MGAT4C: variants seen among roughly 807,000 people sequenced by gnomAD.
MGAT4C encodes alpha-1,3-mannosyl-glycoprotein 4-beta-N-acetylglucosaminyltransferase C.
In MGAT4C, 19 loss-of-function variants were observed where a neutral mutation model predicts 40.1. That is an observed-to-expected ratio of 0.47 (90% CI 0.33 to 0.70). MGAT4C has a LOEUF of 0.70. Ranked by LOEUF, MGAT4C falls within the 30% of genes least tolerant of loss-of-function variation. The probability of loss-of-function intolerance (pLI) is 0.02; values close to 1 mark genes in which losing one functional copy is unlikely to be tolerated. For missense variants in MGAT4C, 491 were observed against 563.2 expected (o/e 0.87, Z 1.30); for synonymous variants, 181 against 187.1 (o/e 0.97, Z 0.27).
chr12:86,531,837 CAATTTTA>C (rs563183611), intron 2 of MGAT4C, among the ~76,000 whole-genome samples: 50 of 151,672 alleles, frequency 3.3e-4, no homozygotes, highest in Admixed American at 3.0e-3. Flanking sequence ...GTTTTGGTAA[CAATTTTA>C]ACTTTAAAAT....
rs118162615 is a variant in MGAT4C, at chr12:86,815,292, C to T, written c.-262+23374G>A. ...AGGGAAATGCAAATCAAAACCACAA[C>T]GCAATACCGCCTTGCTCCTGTAAGA... On this transcript the variant is annotated intron_variant, in intron 1 of 7. Transcript: ENST00000548651. 5.6e-3 allele frequency among the ~76,000 whole-genome samples: 858 copies of T among 151,914 alleles called. 3 individuals are homozygous for T. Among genetic ancestry groups the T allele is most frequent in the Non-Finnish European group, 9.1e-3 (615 of 67,910 alleles).
chr12:86,353,803 CT>C (rs1342349833), intron 3 of MGAT4C, among the ~76,000 whole-genome samples: 1 of 152,168 alleles, frequency 6.6e-6, no homozygotes, highest in Non-Finnish European at 1.5e-5. Context: ...CTCTGCCTCT[CT>C]CTCTCTCTTT....
intron 1 of MGAT4C, among the ~76,000 whole-genome samples, chr12:86,205,736 A>G (rs1950224680): frequency 6.6e-6 from 1 of 152,020 alleles, no homozygotes; most frequent in South Asian, 2.1e-4. Flanking sequence ...TATTAAGTAC[A>G]TTTTCTTTCT....
chr12:86,789,006 G>C (rs1231563088), intron 1 of MGAT4C, among the ~76,000 whole-genome samples: 1 of 152,076 alleles, frequency 6.6e-6, no homozygotes, highest in East Asian at 1.9e-4. Flanking sequence ...TAGCTCACAA[G>C]AAGTGTATTC....
chr12:86,509,471 G>T (rs1958533804), intron 2 of MGAT4C, among the ~76,000 whole-genome samples: 1 of 152,148 alleles, frequency 6.6e-6, no homozygotes, highest in Non-Finnish European at 1.5e-5. Flanking sequence ...TAACCTTGTA[G>T]TATAGTTTGA....
rs1028793242 is a variant in MGAT4C at position 86,255,233 on chromosome 12, A to T, written c.-57+1006T>A. Among the ~76,000 whole-genome samples, 15 of 152,172 alleles carry T rather than the reference A, an allele frequency of 9.9e-5. 1 individual carries two copies. The highest frequency in any genetic ancestry group is 3.6e-4 in the African/African-American group (15 of 41,458). On this transcript the variant is annotated intron_variant, in intron 1 of 4. Transcript: ENST00000611864. Reference sequence around the variant, plus strand: ...TTACACTTTTCTGTGGCTTTATTTCATAAATAACTGCATCCAACTTTAAAA... The same window carrying T: ...TTACACTTTTCTGTGGCTTTATTTCTTAAATAACTGCATCCAACTTTAAAA...
At position 86,340,718 on chromosome 12, in the gene MGAT4C, A is replaced by G. The variant is rs73185452; in HGVS notation, c.-119-6591T>C. 4.2e-3 allele frequency among the ~76,000 whole-genome samples: 639 copies of G among 152,208 alleles called. 1 individual carries two copies. Among genetic ancestry groups the G allele is most frequent in the Non-Finnish European group, 7.0e-3 (477 of 68,018 alleles). On this transcript the variant is annotated intron_variant, in intron 3 of 7. Transcript: ENST00000548651. ...ACTCTTTGGAAATAACACAGGTTAT[A>G]AAGATACTGTGGCTTGGAACTAGAA... is the stretch of plus-strand genomic sequence containing the variant.
chr12:86,110,254 AAT>A (rs1212010485), intron 1 of MGAT4C, among the ~76,000 whole-genome samples: 1 of 8,838 alleles, frequency 1.1e-4, no homozygotes, highest in Non-Finnish European at 2.1e-4. Flanking sequence ...ACAATAAATG[AAT>A]ATATATATAG....
intron 2 of MGAT4C, among the ~76,000 whole-genome samples, chr12:86,560,881 T>C (rs770826142): frequency 2.6e-5 from 4 of 152,114 alleles, no homozygotes; most frequent in South Asian, 2.1e-4. Flanking sequence ...CAAAATCTTA[T>C]ATAAAGATAA....
At chr12:86,081,924 T>C (rs1870914123) in intron 1 of MGAT4C, among the ~76,000 whole-genome samples, 1 of 152,152 alleles carries the variant, frequency 6.6e-6, no homozygotes, top group African/African-American at 2.4e-5. Flanking sequence ...ATTAAAAACA[T>C]CTACATTATA....
In MGAT4C at chr12:85,965,328, T is replaced by G. The variant is rs1883302019; in HGVS notation, c.*13961A>C. The G allele has an allele frequency of 6.6e-6, 1 of 151,900 alleles. No homozygotes were observed. Among genetic ancestry groups the G allele is most frequent in the African/African-American group, 2.4e-5 (1 of 41,370 alleles). The allele number at this position is 151,900 out of a possible 1,614,324, so 9.4% of individuals were successfully genotyped here. Reference sequence around the variant, plus strand: ...TAAGGACACTCTGGGCCCGGCGCGGTGGCTCACGCATGTAATCCCAGCACT... The same window carrying G: ...TAAGGACACTCTGGGCCCGGCGCGGGGGCTCACGCATGTAATCCCAGCACT... On this transcript the variant is annotated 3_prime_UTR_variant, in exon 5 of 5. Coordinates refer to ENST00000611864, the MANE Select transcript of MGAT4C (RefSeq NM_001351288.2).
intron 4 of MGAT4C, among the ~76,000 whole-genome samples, chr12:86,301,370 C>T (rs571476717): frequency 2.6e-5 from 4 of 152,240 alleles, no homozygotes; most frequent in South Asian, 2.1e-4. Context: ...GTTTACATTA[C>T]CAATTTGCTT....
At chr12:86,476,481 AAT>A (rs1957837341) in intron 2 of MGAT4C, among the ~76,000 whole-genome samples, 1 of 152,116 alleles carries the variant, frequency 6.6e-6, no homozygotes, top group African/African-American at 2.4e-5. Context: ...TGTTGTTGGG[AAT>A]ATAAATTAGT....
Position 86,611,056 on chromosome 12 carries a change from C to T in MGAT4C, c.-229+116153G>A, listed in dbSNP as rs148660082. On this transcript the variant is annotated intron_variant, in intron 2 of 7. Coordinates refer to the MGAT4C transcript ENST00000548651. ...GAGACAACCAGAAGGTGTATAGTCT[C>T]GGTGTGAACATAGATCCTGAATGTA... Among the ~76,000 whole-genome samples the T allele has an allele frequency of 3.7e-3, 553 of 151,344 alleles. 2 individuals are homozygous for T. Among genetic ancestry groups the T allele is most frequent in the African/African-American group, 0.012 (495 of 41,198 alleles).
Position 85,963,301 on chromosome 12 carries a change from T to C in MGAT4C, c.*15988A>G, listed in dbSNP as rs1313313536. 6.6e-6 allele frequency: 1 copy of C among 151,990 alleles called. No individual in the cohort carries two copies. The highest frequency in any genetic ancestry group is 1.5e-5 in the Non-Finnish European group (1 of 67,888). The allele number at this position is 151,990 out of a possible 1,614,324, so 9.4% of individuals were successfully genotyped here. ...TTTGCCTTTAGAATAAATACAACAT[T>C]TTTATGTAGAAATATATTCTTGAAA... On this transcript the variant is annotated 3_prime_UTR_variant, in exon 5 of 5. Transcript: ENST00000611864.
intron 4 of MGAT4C, among the ~76,000 whole-genome samples, chr12:86,283,838 G>C (rs956333264): frequency 6.6e-6 from 1 of 152,044 alleles, no homozygotes; most frequent in Non-Finnish European, 1.5e-5. Flanking sequence ...TCTTCACCCT[G>C]ACAGTTCTGT....
intron 2 of MGAT4C, among the ~76,000 whole-genome samples, chr12:86,638,906 C>T (rs1963299464): frequency 6.6e-6 from 1 of 151,696 alleles, no homozygotes; most frequent in Admixed American, 6.6e-5. Context: ...TTATTGGTTT[C>T]TATTTCAAGT....
intron 2 of MGAT4C, among the ~76,000 whole-genome samples, chr12:86,716,537 A>G (rs1950647261): frequency 6.6e-6 from 1 of 152,178 alleles, no homozygotes; most frequent in African/African-American, 2.4e-5. Context: ...GGATCTATTC[A>G]GCTCTTCAAT....
At chr12:86,456,060 T>A (rs914820804) in intron 2 of MGAT4C, among the ~76,000 whole-genome samples, 1 of 152,138 alleles carries the variant, frequency 6.6e-6, no homozygotes, top group Admixed American at 6.6e-5. Context: ...GAGAAAGTGT[T>A]TTAATATATC....
Sources: gnomAD v4.1 joint callset for allele counts (sites outside exome capture counted in the v4.1 genomes callset) on GRCh38, gnomAD v4.1.1 for gene constraint, MANE v1.5 for transcripts, NCBI Gene and HGNC (gene_info 2026-07-23, HGNC 2026-07-21) for gene names.